HKDC1: variants seen among roughly 807,000 people sequenced by gnomAD.
HKDC1 encodes the protein hexokinase HKDC1.
In HKDC1, 66 loss-of-function variants were observed where a neutral mutation model predicts 96.6. That is an observed-to-expected ratio of 0.68 (90% CI 0.56 to 0.84). The LOEUF (loss-of-function observed/expected upper bound fraction) is 0.84. Ranked by LOEUF, HKDC1 falls within the 40% of genes least tolerant of loss-of-function variation. The pLI is 0.00. For synonymous variants in HKDC1, 466 were observed against 473.1 expected (o/e 0.98, Z 0.20); for missense variants, 1,211 against 1,208.1 (o/e 1.00, Z -0.04).
intron 4 of HKDC1, among the ~76,000 whole-genome samples, chr10:69,236,808 A>G (rs1843369423): frequency 1.3e-5 from 2 of 152,118 alleles, no homozygotes; most frequent in African/African-American, 4.8e-5. Context: ...GTATCAAGGA[A>G]GGGAAAAATG....
At chr10:69,223,376 T>C (rs995490125) in intron 1 of HKDC1, among the ~76,000 whole-genome samples, 6 of 152,332 alleles carry the variant, frequency 3.9e-5, no homozygotes, top group African/African-American at 1.2e-4. Flanking sequence ...ATAAGGTACA[T>C]ACAGTTCTGA....
intron 12 of HKDC1, among the ~76,000 whole-genome samples, chr10:69,254,382 T>A (rs1843689499): frequency 6.6e-6 from 1 of 152,256 alleles, no homozygotes; most frequent in African/African-American, 2.4e-5. Context: ...CCACTGTGAC[T>A]ATTTTTTAAA....
At chr10:69,243,433 C>G in intron 7 of HKDC1, 68 bp downstream of exon 7, 1 of 1,366,874 alleles carries the variant, frequency 7.3e-7, no homozygotes, top group Non-Finnish European at 9.8e-7. Context: ...GGTCCCCTGG[C>G]TACCTGGGAG....
At position 69,261,309 on chromosome 10, in the gene HKDC1, A is replaced by G. The variant is rs542215278; in HGVS notation, c.2372+15A>G. Reference sequence around the variant, plus strand: ...CAGATCGAAAGGTGACCTGTGATCAAGTTCATCATGAGGCTCTGACTGGCA... The same window carrying G: ...CAGATCGAAAGGTGACCTGTGATCAGGTTCATCATGAGGCTCTGACTGGCA... On this transcript the variant is annotated intron_variant, in intron 16 of 17. Transcript: ENST00000354624. 6.8e-6 allele frequency: 11 copies of G among 1,612,248 alleles called. No homozygotes were observed. The African/African-American group carries it at 1.1e-4, about 16-fold the overall frequency.
In HKDC1 at chr10:69,233,027, T is replaced by C; in HGVS notation, c.389T>C (p.Val130Ala). The C allele has an allele frequency of 6.2e-7, 1 of 1,614,134 alleles. No individual in the cohort carries two copies. Among genetic ancestry groups the C allele is most frequent in the Non-Finnish European group, 8.5e-7 (1 of 1,180,050 alleles). The change falls in exon 4 of 18, where the codon GTA becomes GCA. Residue 130 changes from valine to alanine, a missense_variant. Coordinates refer to ENST00000354624, the MANE Select transcript of HKDC1 (RefSeq NM_025130.4). ...RGNGTELFEY[V>A]ADCLADFMKT... ...TCTTCTCTGCAGCTGTTTGAATATG[T>C]AGCTGACTGTCTGGCAGATTTCATG...
chr10:69,264,166 T>A (rs1843852715), intron 16 of HKDC1, among the ~76,000 whole-genome samples: 1 of 151,314 alleles, frequency 6.6e-6, no homozygotes, highest in African/African-American at 2.4e-5. Context: ...GAATTACCTG[T>A]AATCCTCCCA....
At position 69,267,295 on chromosome 10, in the gene HKDC1, A is replaced by G; in HGVS notation, c.*538A>G. ...CCTATTAAGAGAACAAAGACTTTGA[A>G]GTATCCAGCCCCAGGGTGCAGAGAG... On this transcript the variant is annotated 3_prime_UTR_variant, in exon 18 of 18. Transcript: ENST00000354624. 1 of 342,078 alleles carries G rather than the reference A, an allele frequency of 2.9e-6. No individual in the cohort carries two copies. Among genetic ancestry groups the G allele is most frequent in the South Asian group, 2.4e-5 (1 of 41,688 alleles). 21.2% of individuals were successfully genotyped at this position (342,078 alleles called of 1,614,324 possible).
chr10:69,243,703 G>T (rs1843492325), intron 7 of HKDC1, among the ~76,000 whole-genome samples: 1 of 151,818 alleles, frequency 6.6e-6, no homozygotes, highest in Non-Finnish European at 1.5e-5. Flanking sequence ...TGCCATGTTG[G>T]CTAGGCTGGT....
Position 69,243,498 on chromosome 10 carries a change from C to CA in HKDC1, c.875+133_875+134insA, listed in dbSNP as rs1843488843. 7.4e-6 allele frequency: 5 copies of CA among 675,374 alleles called. No individual in the cohort carries two copies. The East Asian group carries it at 1.4e-4, about 19-fold the overall frequency. 41.8% of individuals were successfully genotyped at this position (675,374 alleles called of 1,614,324 possible). ...CAACTTTCTTTCTTTTTTTCTTTTT[C>CA]CTTTTTTTTTTTTTTTGAGATGGAG... On this transcript the variant is annotated intron_variant, in intron 7 of 17. Coordinates refer to ENST00000354624, the MANE Select transcript of HKDC1 (RefSeq NM_025130.4).
At chr10:69,251,650 A>G (rs1036235994) in intron 12 of HKDC1, among the ~76,000 whole-genome samples, 1 of 151,336 alleles carries the variant, frequency 6.6e-6, no homozygotes, top group African/African-American at 2.4e-5. Context: ...GGTCTTCTTT[A>G]TTTTCTTTCA....
At chr10:69,265,954 C>T (rs1032533061) in intron 17 of HKDC1, 136 bp downstream of exon 17, 11 of 672,768 alleles carry the variant, frequency 1.6e-5, no homozygotes, top group Non-Finnish European at 2.9e-5. Flanking sequence ...GCTGTGTGGT[C>T]AAGTCACCTA....
At chr10:69,241,780 C>T (rs765301748) in intron 6 of HKDC1, among the ~76,000 whole-genome samples, 8 of 152,172 alleles carry the variant, frequency 5.3e-5, no homozygotes, top group African/African-American at 1.2e-4. Context: ...CCACCACGCC[C>T]GGCCGGATGT....
At position 69,243,231 on chromosome 10, in the gene HKDC1, G is replaced by A. The variant is rs1310442461; in HGVS notation, c.741G>A (p.Leu247=). 7 of 1,614,206 alleles carry A rather than the reference G, an allele frequency of 4.3e-6. 1 individual carries two copies. In the South Asian group the frequency reaches 6.6e-5, roughly 15 times the overall value. ...CYMEDMSNID[L]VEGDEGRMCI... The stretch of plus-strand genomic sequence containing the variant: ...TGGAGGACATGAGCAACATTGACCT[G>A]GTGGAGGGCGACGAGGGCAGGATGT... Residue 247 remains leucine, a synonymous_variant, in exon 7 of 18, where the codon CTG becomes CTA. Coordinates refer to ENST00000354624, the MANE Select transcript of HKDC1 (RefSeq NM_025130.4).
chr10:69,233,991 C>G lies in HKDC1; in HGVS notation c.495+858C>G, dbSNP rs376641907. On this transcript the variant is annotated intron_variant, in intron 4 of 17. Coordinates refer to ENST00000354624, the MANE Select transcript of HKDC1 (RefSeq NM_025130.4). ...TACACAGTCTGAACTGTGTCACCAG[C>G]TAGGCCGGGGTTCCTGGTAACTCAT... Among the ~76,000 whole-genome samples, 115 of 152,030 alleles carry G rather than the reference C, an allele frequency of 7.6e-4. 1 individual carries two copies. In the South Asian group the frequency reaches 0.011, roughly 15 times the overall value.
chr10:69,261,120 A>G lies in HKDC1; in HGVS notation c.2217-19A>G, dbSNP rs1843801059. 1 of 1,607,910 alleles carries G rather than the reference A, an allele frequency of 6.2e-7. No homozygotes were observed. The highest frequency in any genetic ancestry group is 1.3e-5 in the African/African-American group (1 of 74,786). ...TGCATTGCAGGTCTGCCCCAACCTT[A>G]TCCTTCTTCTCCAAACAGATACGAG... is the stretch of plus-strand genomic sequence containing the variant. On this transcript the variant is annotated intron_variant, in intron 15 of 17. Coordinates refer to ENST00000354624, the MANE Select transcript of HKDC1 (RefSeq NM_025130.4).
chr10:69,228,183 G>A (rs937740586), intron 2 of HKDC1, among the ~76,000 whole-genome samples: 1 of 152,068 alleles, frequency 6.6e-6, no homozygotes, highest in Non-Finnish European at 1.5e-5. Context: ...TTCCAGTTTC[G>A]AGAGGCCACC....
intron 4 of HKDC1, among the ~76,000 whole-genome samples, chr10:69,238,368 C>CTTTTTTT (rs55819248): frequency 1.6e-5 from 1 of 61,382 alleles, no homozygotes; most frequent in African/African-American, 8.3e-5. Context: ...CAGGTATTTT[C>CTTTTTTT]TTTTTTTTTT....
intron 6 of HKDC1, among the ~76,000 whole-genome samples, chr10:69,242,439 A>AC (rs1461979378): frequency 1.2e-4 from 17 of 146,038 alleles, no homozygotes; most frequent in African/African-American, 4.2e-4. Flanking sequence ...GAAAAAAAAA[A>AC]AAAAAAAAAA....
In HKDC1 at chr10:69,243,314, C is replaced by T. The variant is rs768044122; in HGVS notation, c.824C>T (p.Thr275Ile). ...GACGGGGCCCTGGAGGACATTCGCA[C>T]TGAGTTCGACAGGGAGCTGGACCTC... ...GDDGALEDIR[T>I]EFDRELDLGS... is the part of the protein sequence containing the mutation. The change falls in exon 7 of 18, where the codon ACT becomes ATT. Residue 275 changes from threonine to isoleucine, a missense_variant. Transcript: ENST00000354624. 1.9e-6 allele frequency: 3 copies of T among 1,612,100 alleles called. No individual in the cohort carries two copies. Among genetic ancestry groups the T allele is most frequent in the African/African-American group, 1.3e-5 (1 of 74,988 alleles).
Sources: gnomAD v4.1 joint callset for allele counts (sites outside exome capture counted in the v4.1 genomes callset) on GRCh38, gnomAD v4.1.1 for gene constraint, MANE v1.5 for transcripts, NCBI Gene and HGNC (gene_info 2026-07-23, HGNC 2026-07-21) for gene names.